Variants in GRIPAP1 observed in about 807,000 individuals in gnomAD.
The protein encoded by GRIPAP1 is GRIP1 associated protein 1.
A neutral mutation model predicts 84.1 loss-of-function variants in GRIPAP1; 14 were observed. The ratio of observed to expected loss-of-function variants is 0.17; its 90% CI spans 0.11 to 0.26. The LOEUF (loss-of-function observed/expected upper bound fraction) is 0.26. GRIPAP1 is among the 10% of genes least tolerant of loss of function. GRIPAP1 has a pLI of 1.00. For missense variants in GRIPAP1, 518 were observed against 674.2 expected (o/e 0.77, Z 2.57); for synonymous variants, 261 against 256.8 (o/e 1.02, Z -0.15).
At chrX:48,974,450 A>G (rs782361032) in intron 25 of GRIPAP1, among the ~76,000 whole-genome samples, 165 bp from the exon 26 acceptor site, 36 of 111,952 alleles carry the variant, frequency 3.2e-4, no homozygotes, top group Non-Finnish European at 6.8e-4. Context: ...AGCACCCCCA[A>G]CAGTGGGCAG....
chrX:48,986,774 G>A (rs782386373), intron 13 of GRIPAP1, among the ~76,000 whole-genome samples: 14 of 111,884 alleles, frequency 1.3e-4, no homozygotes, highest in African/African-American at 3.9e-4. Context: ...CAGGTGATCC[G>A]CCCACCTCTG....
chrX:48,983,693 G>T, intron 15 of GRIPAP1, 82 bp downstream of exon 15: 1 of 648,998 alleles, frequency 1.5e-6, no homozygotes, highest in Non-Finnish European at 2.6e-6. Context: ...CACATGTTTG[G>T]TTATATCACC....
intron 1 of GRIPAP1, among the ~76,000 whole-genome samples, chrX:49,000,093 C>T (rs782756698): frequency 6.3e-5 from 7 of 110,336 alleles, no homozygotes; most frequent in Admixed American, 5.9e-4. Flanking sequence ...GGACCAGGTG[C>T]GGTGGCTCAC....
intron 17 of GRIPAP1, among the ~76,000 whole-genome samples, chrX:48,982,112 C>T (rs1480807388): frequency 1.8e-5 from 2 of 112,365 alleles, no homozygotes; most frequent in Non-Finnish European, 1.9e-5. Context: ...TTACTACATG[C>T]CAAGAATGTT....
chrX:48,978,556 G>A, intron 21 of GRIPAP1, 121 bp from the exon 22 acceptor site: 4 of 634,627 alleles, frequency 6.3e-6, no homozygotes, highest in Non-Finnish European at 9.1e-6. Flanking sequence ...TGGGCATGGG[G>A]AAAGGCAGAA....
chrX:48,988,437 C>T, intron 11 of GRIPAP1: 1 of 401,204 alleles, frequency 2.5e-6, no homozygotes. Flanking sequence ...GACTCCTGGC[C>T]CTAGCTGCTA....
Position 48,993,146 on chromosome X carries a change from G to A in GRIPAP1, c.457+282C>T, listed in dbSNP as rs187359972. 9.7e-5 allele frequency among the ~76,000 whole-genome samples: 11 copies of A among 112,962 alleles called. No individual in the cohort carries two copies. The East Asian group carries it at 3.1e-3, about 31-fold the overall frequency. ...CAAATATCTCCTTTTTGACATTCAA[G>A]CTGCTAATCTGTAACATCTGCTAGG... is the stretch of plus-strand genomic sequence containing the variant. On this transcript the variant is annotated intron_variant, in intron 6 of 25. Transcript: ENST00000376423.
chrX:48,989,575 C>T (rs1557064850), intron 11 of GRIPAP1, 36 bp downstream of exon 11: 1 of 937,607 alleles, frequency 1.1e-6, no homozygotes, highest in Admixed American at 2.2e-5. Context: ...AGTCCTGGCC[C>T]CTACCCCAGG....
At chrX:48,994,137 G>A (rs2064534078) in intron 5 of GRIPAP1, among the ~76,000 whole-genome samples, 1 of 110,543 alleles carries the variant, frequency 9.0e-6, no homozygotes, top group African/African-American at 3.3e-5. Context: ...GCAGTCCTGA[G>A]AAAATTCCTT....
chrX:48,997,322 C>A lies in GRIPAP1; in HGVS notation c.234G>T (p.Leu78=), dbSNP rs781876279. 8.1e-5 allele frequency: 96 copies of A among 1,180,790 alleles called. No individual in the cohort carries two copies. Among genetic ancestry groups the A allele is most frequent in the Non-Finnish European group, 1.1e-4 (95 of 875,038 alleles). ...VEVLLSENEM[L]QAKLHSQEED... ...CCTCCTGGCTGTGCAGCTTTGCCTGCAGCATCTCATTTTCACTCAGCAATA... is the reference window on the plus strand; with the variant it reads ...CCTCCTGGCTGTGCAGCTTTGCCTGAAGCATCTCATTTTCACTCAGCAATA... Residue 78 remains leucine, a synonymous_variant, in exon 5 of 26, where the codon CTG becomes CTT. Transcript: ENST00000376423.
chrX:48,987,938 C>T (rs1040456852), intron 12 of GRIPAP1, 61 bp from the exon 13 acceptor site: 15 of 695,616 alleles, frequency 2.2e-5, no homozygotes, highest in East Asian at 1.2e-4. Context: ...GACCTACCCA[C>T]GACCAAGAAA....
At chrX:48,987,442 C>CTTTT (rs782089098) in intron 13 of GRIPAP1, among the ~76,000 whole-genome samples, 1 of 83,179 alleles carries the variant, frequency 1.2e-5, no homozygotes, top group Non-Finnish European at 2.4e-5. Context: ...CCACCACGCC[C>CTTTT]TTTTTTTTTT....
intron 1 of GRIPAP1, chrX:49,000,461 T>C (rs1557068250): frequency 1.0e-5 from 1 of 99,715 alleles, no homozygotes; most frequent in Non-Finnish European, 2.0e-5. Context: ...GAGGCCAAAG[T>C]GGGCAGATCA....
At chrX:48,990,559 A>G in intron 8 of GRIPAP1, 126 bp downstream of exon 8, 1 of 529,838 alleles carries the variant, frequency 1.9e-6, no homozygotes, top group Admixed American at 3.1e-5. Flanking sequence ...GAGTCTCTCC[A>G]TTTCACAGAT....
At chrX:48,996,904 T>C (rs189881091) in intron 5 of GRIPAP1, among the ~76,000 whole-genome samples, 1 of 110,937 alleles carries the variant, frequency 9.0e-6, no homozygotes, top group East Asian at 2.8e-4. Flanking sequence ...CTCGAACACT[T>C]TTCCATCCTA....
chrX:48,976,865 C>T (rs1269807153), intron 22 of GRIPAP1: 2 of 112,060 alleles, frequency 1.8e-5, no homozygotes, highest in Non-Finnish European at 3.7e-5. Context: ...CTGGGGCCAA[C>T]TAGAGAAATC....
intron 21 of GRIPAP1, 26 bp downstream of exon 21, chrX:48,981,189 C>G (rs782620074): frequency 8.6e-7 from 1 of 1,158,006 alleles, no homozygotes. Context: ...ATGCCTCAGC[C>G]TCCTCTCCCT....
At chrX:48,979,338 G>A (rs1309412266) in intron 21 of GRIPAP1, among the ~76,000 whole-genome samples, 2 of 105,304 alleles carry the variant, frequency 1.9e-5, no homozygotes, top group South Asian at 4.5e-4. Context: ...TTAGGTGGGC[G>A]TGGTGGCGGG....
Position 48,985,473 on chromosome X carries a change from C to T in GRIPAP1, c.1042-71G>A, listed in dbSNP as rs200494877. 8.3e-6 allele frequency: 8 copies of T among 959,605 alleles called. No individual in the cohort carries two copies. In the East Asian group the frequency reaches 2.2e-4, roughly 26 times the overall value. 79.1% of individuals were successfully genotyped at this position (959,605 alleles called of 1,213,427 possible). On this transcript the variant is annotated intron_variant, in intron 13 of 25. Transcript: ENST00000376423. Reference sequence around the variant, plus strand: ...GGGGCCAGGGACAGGGTATGAGCCCCCTAGTTCCAGGGAAACAGGGAGGGA... The same window carrying T: ...GGGGCCAGGGACAGGGTATGAGCCCTCTAGTTCCAGGGAAACAGGGAGGGA...
Sources: allele counts gnomAD v4.1 joint callset (sites outside exome capture counted in the v4.1 genomes callset), GRCh38; gene constraint gnomAD v4.1.1; transcripts MANE v1.5; gene names NCBI Gene and HGNC (gene_info 2026-07-23, HGNC 2026-07-21).